The following ESR1 variants were observed in gnomAD, a reference collection of about 807,000 sequenced individuals.
ESR1 encodes estrogen receptor.
ESR1 carries 12 observed loss-of-function variants against 52.7 expected under a neutral mutation model. The observed-to-expected ratio is 0.23, with a 90% CI of 0.15 to 0.37. The LOEUF is 0.37. ESR1 is among the 10% of genes least tolerant of loss of function. The pLI, the probability that ESR1 is intolerant of heterozygous loss-of-function variation, is 1.00. For missense variants in ESR1, 584 were observed against 779.7 expected (o/e 0.75, Z 2.99); for synonymous variants, 305 against 316.8 (o/e 0.96, Z 0.39).
chr6:151,850,136 G>T (rs1270262569), intron 2 of ESR1, among the ~76,000 whole-genome samples: 5 of 128,910 alleles, frequency 3.9e-5, no homozygotes, highest in Non-Finnish European at 6.4e-5. Context: ...GTCTGGTACA[G>T]GCTGAATTGT....
chr6:152,084,738 A>T (rs1397200960), intron 6 of ESR1, among the ~76,000 whole-genome samples: 3 of 152,068 alleles, frequency 2.0e-5, no homozygotes, highest in Non-Finnish European at 4.4e-5. Flanking sequence ...CAACATGAAA[A>T]CTCTTTTTCA....
downstream of ESR1, among the ~76,000 whole-genome samples, chr6:152,108,205 A>C (rs1377863882): frequency 6.7e-6 from 1 of 149,630 alleles, no homozygotes; most frequent in Non-Finnish European, 1.5e-5. Context: ...ACCTCAAGCT[A>C]GTGAAGACAT....
At chr6:151,831,146 C>CTTTTTT (rs11296052) in intron 1 of ESR1, among the ~76,000 whole-genome samples, 1 of 141,790 alleles carries the variant, frequency 7.1e-6, no homozygotes. Flanking sequence ...CTTTTCTTTT[C>CTTTTTT]TTTTTTTTTT....
At chr6:151,927,890 T>C (rs1401363936) in intron 3 of ESR1, among the ~76,000 whole-genome samples, 3 of 151,938 alleles carry the variant, frequency 2.0e-5, no homozygotes, top group Non-Finnish European at 4.4e-5. Flanking sequence ...GCTAATTTTT[T>C]TTTTTGTATT....
chr6:151,947,970 G>A (rs986045365), intron 4 of ESR1, among the ~76,000 whole-genome samples: 1 of 151,934 alleles, frequency 6.6e-6, no homozygotes, highest in African/African-American at 2.4e-5. Context: ...TATTTAATAG[G>A]AATTTTATAG....
chr6:151,667,585 G>T (rs958914257), intron 1 of ESR1, among the ~76,000 whole-genome samples: 2 of 152,184 alleles, frequency 1.3e-5, no homozygotes, highest in South Asian at 2.1e-4. Context: ...CAGGGATGTT[G>T]CTTGCAAAGA....
intron 1 of ESR1, among the ~76,000 whole-genome samples, chr6:151,695,084 A>G (rs1362514109): frequency 2.0e-5 from 3 of 152,188 alleles, no homozygotes; most frequent in Non-Finnish European, 4.4e-5. Context: ...GCACCCCTCC[A>G]GTATTGTGGG....
chr6:152,096,568 G>T, intron 7 of ESR1: 1 of 449,980 alleles, frequency 2.2e-6, no homozygotes, highest in Non-Finnish European at 4.5e-6. Flanking sequence ...GGGAATGAAT[G>T]GATGAACAAA....
chr6:151,875,026 A>G (rs923596334), intron 2 of ESR1, among the ~76,000 whole-genome samples: 2 of 152,240 alleles, frequency 1.3e-5, no homozygotes, highest in Admixed American at 6.5e-5. Context: ...TCTATATAAA[A>G]CAAGCTTTGG....
intron 1 of ESR1, among the ~76,000 whole-genome samples, chr6:151,672,139 G>A (rs1421932732): frequency 2.7e-5 from 4 of 150,098 alleles, no homozygotes; most frequent in Non-Finnish European, 4.5e-5. Flanking sequence ...GGACAACTTC[G>A]AAGTTCTTAC....
intron 1 of ESR1, among the ~76,000 whole-genome samples, chr6:151,830,322 C>G (rs576121891): frequency 6.6e-6 from 1 of 152,068 alleles, no homozygotes; most frequent in African/African-American, 2.4e-5. Flanking sequence ...TCCTTTTTCT[C>G]GGTACTTTCC....
At chr6:152,075,960 A>G (rs530731105) in intron 6 of ESR1, among the ~76,000 whole-genome samples, 4 of 152,354 alleles carry the variant, frequency 2.6e-5, no homozygotes, top group African/African-American at 7.2e-5. Context: ...TATATTATGT[A>G]TTCCACAGAG....
rs558318865 is a variant in ESR1, at chr6:152,033,979, A to C, written c.1235+22185A>C. On this transcript the variant is annotated intron_variant, in intron 5 of 7. Coordinates refer to ENST00000206249, the MANE Select transcript of ESR1 (RefSeq NM_000125.4). ...TGCAGCCATAAAAAAGGATGAGTTC[A>C]TGTCCTTTGTAAGGACATGGATGAA... 3.3e-5 allele frequency among the ~76,000 whole-genome samples: 5 copies of C among 152,314 alleles called. 1 individual carries two copies. In the South Asian group the frequency reaches 1.0e-3, roughly 32 times the overall value.
At chr6:151,707,248 A>G (rs1384768722) in intron 2 of ESR1, among the ~76,000 whole-genome samples, 41 of 152,334 alleles carry the variant, frequency 2.7e-4, no homozygotes, top group Non-Finnish European at 7.4e-5. Flanking sequence ...GCATAAAGAC[A>G]TACATAAAAA....
chr6:151,661,560 C>A (rs1777638513), intron 1 of ESR1, among the ~76,000 whole-genome samples: 1 of 152,170 alleles, frequency 6.6e-6, no homozygotes, highest in Admixed American at 6.5e-5. Context: ...CCAGCACAAA[C>A]AAATATTCAA....
chr6:152,013,605 T>C (rs1475694355), intron 5 of ESR1, among the ~76,000 whole-genome samples: 2 of 152,082 alleles, frequency 1.3e-5, no homozygotes, highest in Non-Finnish European at 2.9e-5. Flanking sequence ...ATTTTGAATA[T>C]GTGAAGGTTT....
At chr6:151,985,614 T>C (rs969836225) in intron 4 of ESR1, among the ~76,000 whole-genome samples, 1 of 149,436 alleles carries the variant, frequency 6.7e-6, no homozygotes, top group African/African-American at 2.5e-5. Context: ...AGTTGAAAGG[T>C]CAGGTATCAG....
intron 2 of ESR1, among the ~76,000 whole-genome samples, chr6:151,878,304 A>G (rs1486305660): frequency 1.3e-5 from 2 of 152,196 alleles, no homozygotes; most frequent in East Asian, 3.8e-4. Context: ...AATAAGGACA[A>G]TTCTAAAAAT....
At chr6:152,031,251 GTT>G (rs1388486515) in intron 5 of ESR1, among the ~76,000 whole-genome samples, 1 of 151,936 alleles carries the variant, frequency 6.6e-6, no homozygotes, top group Non-Finnish European at 1.5e-5. Context: ...GAGCAAACAC[GTT>G]CAAAAGCTAG....
Sources: allele counts gnomAD v4.1 joint callset (sites outside exome capture counted in the v4.1 genomes callset), GRCh38; gene constraint gnomAD v4.1.1; transcripts MANE v1.5; gene names NCBI Gene and HGNC (gene_info 2026-07-23, HGNC 2026-07-21).